N4BP1: variants seen among roughly 807,000 people sequenced by gnomAD.
N4BP1 encodes NEDD4-binding protein 1.
A neutral mutation model predicts 70.9 loss-of-function variants in N4BP1; 21 were observed. That is an observed-to-expected ratio of 0.30 (90% CI 0.21 to 0.43). The LOEUF (loss-of-function observed/expected upper bound fraction) is 0.43. Among genes scored for constraint, N4BP1 ranks in the 20% least tolerant of loss-of-function variants. The pLI, the probability that N4BP1 is intolerant of heterozygous loss-of-function variation, is 1.00. For synonymous variants in N4BP1, 387 were observed against 394.6 expected (o/e 0.98, Z 0.23); for missense variants, 936 against 1,069.4 (o/e 0.88, Z 1.74).
At chr16:48,605,513 C>T (rs555401281) in intron 1 of N4BP1, among the ~76,000 whole-genome samples, 1 of 152,238 alleles carries the variant, frequency 6.6e-6, no homozygotes, top group East Asian at 1.9e-4. Context: ...CCTCACAATC[C>T]TTTGCTCCCA....
intron 1 of N4BP1, among the ~76,000 whole-genome samples, chr16:48,602,351 T>C (rs1964514898): frequency 6.6e-6 from 1 of 152,250 alleles, no homozygotes; most frequent in Non-Finnish European, 1.5e-5. Flanking sequence ...TCAAGACTGC[T>C]AATCTTCTAT....
intron 1 of N4BP1, among the ~76,000 whole-genome samples, chr16:48,582,765 G>A (rs545467997): frequency 2.0e-5 from 3 of 152,198 alleles, no homozygotes; most frequent in South Asian, 2.1e-4. Flanking sequence ...GTCTTGGAAC[G>A]TATCCCCAGC....
At chr16:48,580,999 TC>T (rs1394085015) in intron 1 of N4BP1, among the ~76,000 whole-genome samples, 3 of 152,166 alleles carry the variant, frequency 2.0e-5, no homozygotes, top group Non-Finnish European at 4.4e-5. Context: ...CCGTGAGAGA[TC>T]CTGGAACCAA....
At chr16:48,565,206 T>C (rs1426706669) in intron 1 of N4BP1, among the ~76,000 whole-genome samples, 1 of 152,220 alleles carries the variant, frequency 6.6e-6, no homozygotes. Flanking sequence ...TGGCGAGCAG[T>C]GGTGAGACTG....
chr16:48,580,990 C>T (rs1005132479), intron 1 of N4BP1, among the ~76,000 whole-genome samples: 19 of 152,016 alleles, frequency 1.2e-4, no homozygotes, highest in African/African-American at 4.3e-4. Context: ...TTTTCATATC[C>T]GTGAGAGATC....
rs552924949 is a variant in N4BP1, at chr16:48,545,976, C to T, written c.2333+171G>A. The T allele has an allele frequency of 3.7e-4, 175 of 475,392 alleles. 4 individuals are homozygous for T. Among genetic ancestry groups the T allele is most frequent in the South Asian group, 3.4e-3 (129 of 38,300 alleles). 29.4% of individuals were successfully genotyped at this position (475,392 alleles called of 1,614,324 possible). A position where few individuals can be genotyped will look rare whatever the true frequency, so the allele number is the denominator to read the frequency against. ...CAGTGGGGCAAAGGTTGCAGTGAGC[C>T]GAAATCACGCCACTGCATTCCAGCC... On this transcript the variant is annotated intron_variant, in intron 6 of 6. Transcript: ENST00000262384.
chr16:48,549,504 T>C (rs1963635359), intron 4 of N4BP1, among the ~76,000 whole-genome samples: 1 of 152,234 alleles, frequency 6.6e-6, no homozygotes, highest in South Asian at 2.1e-4. Context: ...AGAATGAAGC[T>C]GCTGTGTTAA....
chr16:48,608,664 G>A (rs918217925), intron 1 of N4BP1, among the ~76,000 whole-genome samples: 2 of 151,330 alleles, frequency 1.3e-5, no homozygotes, highest in Admixed American at 6.6e-5. Flanking sequence ...GAAAGGGGGG[G>A]AAGTAGATAG....
chr16:48,542,609 C>T lies in N4BP1; in HGVS notation c.*295G>A. 1.1e-5 allele frequency: 3 copies of T among 262,858 alleles called. No individual in the cohort carries two copies. Among genetic ancestry groups the T allele is most frequent in the East Asian group, 1.4e-4 (2 of 14,456 alleles). The allele number at this position is 262,858 out of a possible 1,614,324, so 16.3% of individuals were successfully genotyped here. Reference sequence around the variant, plus strand: ...GCTTTAAGGAAAATAGTTTAAAAAACATAAAAAGGTAAATACACTCAAGAG... The same window carrying T: ...GCTTTAAGGAAAATAGTTTAAAAAATATAAAAAGGTAAATACACTCAAGAG... On this transcript the variant is annotated 3_prime_UTR_variant, in exon 7 of 7. Coordinates refer to ENST00000262384, the MANE Select transcript of N4BP1 (RefSeq NM_153029.4).
intron 1 of N4BP1, among the ~76,000 whole-genome samples, chr16:48,564,826 T>G (rs1120275): frequency 0.36 from 54,821 of 152,002 alleles, 10,121 homozygotes; most frequent in African/African-American, 0.42. Flanking sequence ...TATTTAGATT[T>G]CATTTGCTTT....
At chr16:48,573,418 C>A (rs1295989584) in intron 1 of N4BP1, among the ~76,000 whole-genome samples, 1 of 151,976 alleles carries the variant, frequency 6.6e-6, no homozygotes, top group Non-Finnish European at 1.5e-5. Context: ...ATGGTGAAAC[C>A]CCATCTCTAC....
intron 1 of N4BP1, among the ~76,000 whole-genome samples, chr16:48,566,127 T>A (rs879673147): frequency 1.3e-5 from 2 of 152,144 alleles, no homozygotes; most frequent in Non-Finnish European, 2.9e-5. Flanking sequence ...CTTTATTATA[T>A]TTTCCTTCTG....
At chr16:48,600,731 T>C in intron 1 of N4BP1, 1 of 328,782 alleles carries the variant, frequency 3.0e-6, no homozygotes, top group Non-Finnish European at 5.9e-6. Flanking sequence ...ATTTTTTACA[T>C]AAGGTCACTT....
intron 1 of N4BP1, among the ~76,000 whole-genome samples, chr16:48,595,402 A>T (rs1964395731): frequency 1.4e-5 from 2 of 139,856 alleles, no homozygotes; most frequent in African/African-American, 5.4e-5. Context: ...GGTTGTAGTG[A>T]GCCGAGATCA....
intron 1 of N4BP1, among the ~76,000 whole-genome samples, chr16:48,591,886 G>GTTTTT (rs1555499240): frequency 8.9e-6 from 1 of 112,080 alleles, no homozygotes; most frequent in African/African-American, 3.7e-5. Context: ...GTTACCTGAC[G>GTTTTT]TTTTTTTTTT....
chr16:48,607,756 C>T (rs1428888769), intron 1 of N4BP1, among the ~76,000 whole-genome samples: 2 of 152,202 alleles, frequency 1.3e-5, no homozygotes, highest in Non-Finnish European at 2.9e-5. Context: ...GGAGAATGGA[C>T]GAAGGGGAAT....
intron 1 of N4BP1, among the ~76,000 whole-genome samples, chr16:48,583,348 T>C (rs1012176879): frequency 1.3e-5 from 2 of 152,048 alleles, no homozygotes; most frequent in East Asian, 1.9e-4. Flanking sequence ...TCTAAAAAAG[T>C]TGGTCTCCTA....
chr16:48,591,991 G>A (rs1388884767), intron 1 of N4BP1, among the ~76,000 whole-genome samples: 2 of 151,696 alleles, frequency 1.3e-5, no homozygotes, highest in Non-Finnish European at 2.9e-5. Flanking sequence ...TACTTTAAGG[G>A]ATGGCTAATA....
chr16:48,572,717 G>A (rs1315224573), intron 1 of N4BP1, among the ~76,000 whole-genome samples: 1 of 152,042 alleles, frequency 6.6e-6, no homozygotes, highest in Non-Finnish European at 1.5e-5. Context: ...GGAGGGAAGA[G>A]GATTTTAGAG....
Sources: allele counts gnomAD v4.1 joint callset (sites outside exome capture counted in the v4.1 genomes callset), GRCh38; gene constraint gnomAD v4.1.1; transcripts MANE v1.5; gene names NCBI Gene and HGNC (gene_info 2026-07-23, HGNC 2026-07-21).